Variants in CNOT2 observed in about 807,000 individuals in gnomAD.
CNOT2 encodes the protein CC chemokine receptor 4-negative regulator of transcription 2.
Under a neutral mutation model 72.1 loss-of-function variants are expected in CNOT2, and 7 were observed. That is an observed-to-expected ratio of 0.10 (90% CI 0.06 to 0.18). CNOT2 has a LOEUF of 0.18. Ranked by LOEUF, CNOT2 falls within the 10% of genes least tolerant of loss-of-function variation. The pLI, the probability that CNOT2 is intolerant of heterozygous loss-of-function variation, is 1.00. For synonymous variants in CNOT2, 196 were observed against 225.6 expected (o/e 0.87, Z 1.17); for missense variants, 345 against 660.3 (o/e 0.52, Z 5.23).
chr12:70,304,112 T>C (rs1874720764), intron 2 of CNOT2, among the ~76,000 whole-genome samples: 1 of 152,200 alleles, frequency 6.6e-6, no homozygotes, highest in Non-Finnish European at 1.5e-5. Context: ...GTCTAATTTT[T>C]TTTCAAGGTT....
intron 5 of CNOT2, 144 bp downstream of exon 5, chr12:70,329,714 T>G: frequency 1.6e-6 from 1 of 642,248 alleles, no homozygotes; most frequent in South Asian, 1.9e-5. Flanking sequence ...GCTCTTTTTA[T>G]TTCAGTGCAA....
chr12:70,280,626 A>G (rs1869651327), intron 2 of CNOT2, among the ~76,000 whole-genome samples: 1 of 152,214 alleles, frequency 6.6e-6, no homozygotes, highest in Non-Finnish European at 1.5e-5. Flanking sequence ...GAGTTTAACA[A>G]GAATTTTTGT....
At chr12:70,271,298 G>T (rs1041653355) in intron 1 of CNOT2, among the ~76,000 whole-genome samples, 1 of 150,718 alleles carries the variant, frequency 6.6e-6, no homozygotes, top group Non-Finnish European at 1.5e-5. Context: ...GCCAGGATTG[G>T]TTTAAATGCC....
rs12372704 is a variant in CNOT2 at position 70,300,856 on chromosome 12, G to T, written c.49-10039G>T. Among the ~76,000 whole-genome samples the T allele has an allele frequency of 7.2e-3, 1,091 of 152,256 alleles. 3 individuals carry two copies. The highest frequency in any genetic ancestry group is 0.012 in the Non-Finnish European group (783 of 68,008). On this transcript the variant is annotated intron_variant, in intron 2 of 15. Coordinates refer to ENST00000229195, the MANE Select transcript of CNOT2 (RefSeq NM_014515.7). ...ATTGATTCTTCCTACGTATGAGCAT[G>T]GAATGTTCTTCCATTTGTTTGTATC...
Position 70,337,476 on chromosome 12 carries a change from A to G in CNOT2, c.863A>G (p.Tyr288Cys), listed in dbSNP as rs984983228. The G allele has an allele frequency of 1.2e-6, 2 of 1,611,642 alleles. No individual in the cohort carries two copies. The highest frequency in any genetic ancestry group is 1.7e-6 in the Non-Finnish European group (2 of 1,178,242). ...TTTCCAGCATTACCAGGCTCCAGCT[A>G]TAAAGATCCAACATCAAGTAATGAT... The part of the protein sequence containing the change: ...EDFPALPGSS[Y>C]KDPTSSNDDS... The change falls in exon 9 of 16, where the codon TAT (tyrosine) becomes TGT (cysteine). Residue 288 changes from tyrosine (Y) to cysteine (C), a missense_variant. Around this residue, in one of 4 missense-constraint regions of CNOT2, gnomAD observed 128 missense variants for 233.0 expected, o/e 0.55. Coordinates refer to ENST00000229195, the MANE Select transcript of CNOT2 (RefSeq NM_014515.7).
At chr12:70,280,260 A>G (rs951240455) in intron 2 of CNOT2, among the ~76,000 whole-genome samples, 1 of 152,180 alleles carries the variant, frequency 6.6e-6, no homozygotes, top group Admixed American at 6.5e-5. Flanking sequence ...GCTGTTTCCA[A>G]GGTATACTTC....
At chr12:70,324,470 G>A (rs532893933) in intron 4 of CNOT2, among the ~76,000 whole-genome samples, 1 of 151,854 alleles carries the variant, frequency 6.6e-6, no homozygotes, top group Admixed American at 6.6e-5. Context: ...GAGCTAACAG[G>A]ACTTGATGAT....
At chr12:70,301,372 C>G (rs1455374492) in intron 2 of CNOT2, among the ~76,000 whole-genome samples, 4 of 152,200 alleles carry the variant, frequency 2.6e-5, no homozygotes, top group South Asian at 4.1e-4. Flanking sequence ...ATAGATAGCT[C>G]TTATTATTTT....
chr12:70,275,483 C>T (rs1032419990), intron 1 of CNOT2, among the ~76,000 whole-genome samples: 10 of 152,136 alleles, frequency 6.6e-5, no homozygotes, highest in East Asian at 1.9e-4. Flanking sequence ...GGGTGTACTA[C>T]GTTTGTTCTT....
chr12:70,278,132 A>G lies in CNOT2; in HGVS notation c.-95A>G. On this transcript the variant is annotated splice_region_variant and 5_prime_UTR_variant, in exon 2 of 16. Transcript: ENST00000229195. ...TGGCTTTTGGATAATTCCACTCTAG[A>G]GGGAGACGTGGTGGGCGGTCCTTCC... The G allele has an allele frequency of 1.2e-6, 1 of 804,208 alleles. No individual in the cohort carries two copies. Among genetic ancestry groups the G allele is most frequent in the Non-Finnish European group, 2.1e-6 (1 of 471,268 alleles). The allele number at this position is 804,208 out of a possible 1,614,324, so 49.8% of individuals were successfully genotyped here. A position where few individuals can be genotyped will look rare whatever the true frequency, so the allele number is the denominator to read the frequency against.
At chr12:70,290,433 A>G (rs1871688148) in intron 2 of CNOT2, among the ~76,000 whole-genome samples, 1 of 152,004 alleles carries the variant, frequency 6.6e-6, no homozygotes, top group Non-Finnish European at 1.5e-5. Context: ...GCTGGGCTCC[A>G]CCAATCTGGA....
intron 2 of CNOT2, among the ~76,000 whole-genome samples, chr12:70,287,250 T>C (rs1006970058): frequency 2.8e-5 from 4 of 143,460 alleles, no homozygotes; most frequent in African/African-American, 9.9e-5. Context: ...TTCTTAAGGT[T>C]GTTTACTATG....
At chr12:70,339,380 C>T (rs973414043) in intron 11 of CNOT2, among the ~76,000 whole-genome samples, 1 of 152,030 alleles carries the variant, frequency 6.6e-6, no homozygotes, top group Admixed American at 6.6e-5. Flanking sequence ...TTTAACTGTT[C>T]TTCCAGATCC....
intron 1 of CNOT2, among the ~76,000 whole-genome samples, chr12:70,252,825 A>T (rs541336465): frequency 6.6e-6 from 1 of 152,358 alleles, no homozygotes; most frequent in East Asian, 1.9e-4. Flanking sequence ...TACCCAGTAG[A>T]ACTGATGTAA....
intron 3 of CNOT2, among the ~76,000 whole-genome samples, chr12:70,314,388 A>C (rs1045285638): frequency 6.6e-6 from 1 of 152,018 alleles, no homozygotes; most frequent in Non-Finnish European, 1.5e-5. Context: ...TAGCTCATGA[A>C]GGATTTTTTT....
chr12:70,280,922 C>T (rs1000347733), intron 2 of CNOT2, among the ~76,000 whole-genome samples: 1 of 152,036 alleles, frequency 6.6e-6, no homozygotes, highest in Non-Finnish European at 1.5e-5. Context: ...GCTCATGGTT[C>T]ATTTTTGGAT....
Position 70,338,835 on chromosome 12 carries a change from T to G in CNOT2, c.1178+13T>G, listed in dbSNP as rs1593270391. The G allele has an allele frequency of 6.2e-6, 10 of 1,608,680 alleles. No individual in the cohort carries two copies. In the East Asian group the frequency reaches 2.2e-4, roughly 36 times the overall value. ...TGAACTCTCCTGAGTAAGTTTTTTC[T>G]GTTTTTCCATGTCTGTATATAATAC... is the stretch of plus-strand genomic sequence containing the variant. On this transcript the variant is annotated intron_variant, in intron 11 of 15. Coordinates refer to ENST00000229195, the MANE Select transcript of CNOT2 (RefSeq NM_014515.7).
chr12:70,246,189 T>G (rs1957868127), intron 1 of CNOT2, among the ~76,000 whole-genome samples: 1 of 152,210 alleles, frequency 6.6e-6, no homozygotes, highest in Non-Finnish European at 1.5e-5. Context: ...TCTTGCTCTT[T>G]AAAAGCAGTG....
At chr12:70,343,879 C>T in intron 13 of CNOT2, 2 of 343,446 alleles carry the variant, frequency 5.8e-6, no homozygotes, top group Admixed American at 9.2e-5. Context: ...CTTTATTGAG[C>T]TTTTCTTCCA....
Sources: gnomAD v4.1 joint callset for allele counts (sites outside exome capture counted in the v4.1 genomes callset) on GRCh38, gnomAD v4.1.1 for gene constraint, gnomAD v4.1.1 regional missense constraint, MANE v1.5 for transcripts, NCBI Gene and HGNC (gene_info 2026-07-23, HGNC 2026-07-21) for gene names.